Variants in PIAS1 observed in about 807,000 individuals in gnomAD.
PIAS1 encodes E3 SUMO-protein ligase PIAS1.
In PIAS1, 6 loss-of-function variants were observed where a neutral mutation model predicts 71.3. That is an observed-to-expected ratio of 0.08 (90% confidence interval 0.05 to 0.17). PIAS1 has a LOEUF of 0.17. Among genes scored for constraint, PIAS1 ranks in the 10% least tolerant of loss-of-function variants. PIAS1 has a pLI of 1.00. For missense variants in PIAS1, 555 were observed against 793.6 expected (o/e 0.70, Z 3.61); for synonymous variants, 303 against 292.9 (o/e 1.03, Z -0.35).
In PIAS1 at chr15:68,173,773, A is replaced by C. The variant is rs775058075; in HGVS notation, c.1050A>C (p.Thr350=). The change falls in exon 9 of 14, where the codon ACA becomes ACC. Residue 350 remains threonine (T), a synonymous_variant. Transcript: ENST00000249636. This position sits in a 1 kb window ranked among gnomAD's most constrained non-coding sequence, Gnocchi z 4.3. ...MRLTIPCRAL[T]CSHLQCFDAT... is the part of the protein sequence containing the mutation. ...TGACAATTCCGTGTCGGGCCCTTAC[A>C]TGTTCTCATCTACAATGTTTTGACG... is the stretch of plus-strand genomic sequence containing the variant. 2 of 1,583,494 alleles carry C rather than the reference A, an allele frequency of 1.3e-6. No homozygotes were observed. The highest frequency in any genetic ancestry group is 2.7e-5 in the African/African-American group (2 of 74,384).
In PIAS1 at chr15:68,187,371, G is replaced by A. The variant is rs896112903; in HGVS notation, c.1663-171G>A. Among the ~76,000 whole-genome samples, 2 of 152,086 alleles carry A rather than the reference G, an allele frequency of 1.3e-5. No homozygotes were observed. The highest frequency in any genetic ancestry group is 2.9e-5 in the Non-Finnish European group (2 of 68,014). On this transcript the variant is annotated intron_variant, in intron 13 of 13. Transcript: ENST00000249636. The surrounding 1 kb of genome is among the most constrained non-coding windows in gnomAD (Gnocchi z 5.3). ...ACAAAAATGTCTTCTCAAGATCAATGCTCCAGTCCTTACATAAGGCCATTT... is the reference window on the plus strand; with the variant it reads ...ACAAAAATGTCTTCTCAAGATCAATACTCCAGTCCTTACATAAGGCCATTT...
chr15:68,173,887 T>C lies in PIAS1; in HGVS notation c.1164T>C (p.Ile388=). The C allele has an allele frequency of 6.5e-7, 1 of 1,528,776 alleles. No individual in the cohort carries two copies. Among genetic ancestry groups the C allele is most frequent in the Non-Finnish European group, 8.9e-7 (1 of 1,126,130 alleles). 94.7% of individuals were successfully genotyped at this position (1,528,776 alleles called of 1,614,324 possible). ...DKKAPYEHLI[I]DGLFMEILKY... ...AGGCTCCATATGAACACCTTATTAT[T>C]GATGGGTATGTTACTTTAAGTGTTT... is the stretch of plus-strand genomic sequence containing the variant. Residue 388 remains isoleucine (I), a synonymous_variant, in exon 9 of 14, where the codon ATT becomes ATC. Transcript: ENST00000249636. This position sits in a 1 kb window ranked among gnomAD's most constrained non-coding sequence, Gnocchi z 4.3.
chr15:68,054,503 AG>A lies in PIAS1; in HGVS notation c.24+158del. The A allele has an allele frequency of 1.5e-6, 1 of 648,268 alleles. No homozygotes were observed. The highest frequency in any genetic ancestry group is 2.4e-6 in the Non-Finnish European group (1 of 420,052). The allele number at this position is 648,268 out of a possible 1,614,324, so 40.2% of individuals were successfully genotyped here. ...AGAGAGGCGCGCCCGGTCTCAGCAG[AG>A]GGGGCCCGCCTGCGGCGGGCCGCGG... On this transcript the variant is annotated intron_variant, in intron 1 of 13. Transcript: ENST00000249636. This position sits in a 1 kb window ranked among gnomAD's most constrained non-coding sequence, Gnocchi z 4.6.
rs145943670 is a variant in PIAS1, at chr15:68,063,196, A to C, written c.24+8846A>C. 3.6e-3 allele frequency among the ~76,000 whole-genome samples: 542 copies of C among 152,314 alleles called. 5 individuals are homozygous for C. The highest frequency in any genetic ancestry group is 0.014 in the Middle Eastern group (4 of 294). On this transcript the variant is annotated intron_variant, in intron 1 of 13. Transcript: ENST00000249636. Reference sequence around the variant, plus strand: ...TGGCAGTGCTCAGCCAAAGCAATTCATTTTGTATTTGGGTTTCTGAATGTG... The same window carrying C: ...TGGCAGTGCTCAGCCAAAGCAATTCCTTTTGTATTTGGGTTTCTGAATGTG...
rs1250787901 is a variant in PIAS1 at position 68,167,165 on chromosome 15, TAAAAC to T, written c.1008+2369_1008+2373del. Reference sequence around the variant, plus strand: ...ACATCTGCTTTAAAAATTCAGATTATAAAACAAAACAACTATATATGTATATTGTG... The same window carrying T: ...ACATCTGCTTTAAAAATTCAGATTATAAAACAACTATATATGTATATTGTG... On this transcript the variant is annotated intron_variant, in intron 8 of 13. Transcript: ENST00000249636. This position sits in a 1 kb window ranked among gnomAD's most constrained non-coding sequence, Gnocchi z 4.4. Among the ~76,000 whole-genome samples the T allele has an allele frequency of 2.7e-5, 4 of 150,810 alleles. No individual in the cohort carries two copies. Among genetic ancestry groups the T allele is most frequent in the African/African-American group, 7.3e-5 (3 of 40,940 alleles).
At chr15:68,069,736 G>A (rs2092072207) in intron 1 of PIAS1, among the ~76,000 whole-genome samples, 1 of 151,358 alleles carries the variant, frequency 6.6e-6, no homozygotes, top group Admixed American at 6.6e-5. Context: ...CCTGGGAGGC[G>A]GAGCTTGCAG....
intron 11 of PIAS1, among the ~76,000 whole-genome samples, chr15:68,180,981 G>A (rs2141100324): frequency 6.6e-6 from 1 of 152,224 alleles, no homozygotes; most frequent in Non-Finnish European, 1.5e-5. Context: ...TGTGAATGTT[G>A]GATACCATTG....
Position 68,086,794 on chromosome 15 carries a change from A to G in PIAS1, c.469+44A>G. ...AGTATTTGGTTACTTTTGCAGGATG[A>G]ATTTTCGTTTTAGGCTTTTACTTTG... On this transcript the variant is annotated intron_variant, in intron 2 of 13. Coordinates refer to ENST00000249636, the MANE Select transcript of PIAS1 (RefSeq NM_016166.3). The surrounding 1 kb of genome is among the most constrained non-coding windows in gnomAD (Gnocchi z 7.2). 1 of 1,336,216 alleles carries G rather than the reference A, an allele frequency of 7.5e-7. No individual in the cohort carries two copies. The highest frequency in any genetic ancestry group is 1.0e-6 in the Non-Finnish European group (1 of 954,300). 82.8% of individuals were successfully genotyped at this position (1,336,216 alleles called of 1,614,324 possible).
At chr15:68,169,093 A>AT (rs2092974614) in intron 8 of PIAS1, among the ~76,000 whole-genome samples, 7 of 152,180 alleles carry the variant, frequency 4.6e-5, no homozygotes, top group African/African-American at 1.7e-4. Flanking sequence ...ACAGTTCATA[A>AT]ACCTTGTGTA....
rs1008352422 is a variant in PIAS1, at chr15:68,054,339, G to C, written c.13G>C (p.Ala5Pro). 1.9e-6 allele frequency: 3 copies of C among 1,577,960 alleles called. No individual in the cohort carries two copies. Among genetic ancestry groups the C allele is most frequent in the Non-Finnish European group, 2.6e-6 (3 of 1,162,584 alleles). ...TGACAGACGCAAGATGGCGGACAGT[G>C]CGGAACTAAAGGTAAAGCGCAGCTC... MADS[A>P]ELKQMVMSLR... The change falls in exon 1 of 14, where the codon GCG (alanine) becomes CCG (proline). Residue 5 changes from alanine to proline, a missense_variant. Ala to Pro is a conservative substitution (Grantham distance 27). Transcript: ENST00000249636. This position sits in a 1 kb window ranked among gnomAD's most constrained non-coding sequence, Gnocchi z 4.6.
chr15:68,118,331 A>AT (rs1431545598), intron 2 of PIAS1, among the ~76,000 whole-genome samples: 48 of 150,856 alleles, frequency 3.2e-4, no homozygotes, highest in African/African-American at 1.1e-3. Context: ...AAAAAAAAAA[A>AT]AAAAATAATA....
rs570723142 is a variant in PIAS1, at chr15:68,178,061, A to T, written c.1481+1407A>T. On this transcript the variant is annotated intron_variant, in intron 11 of 13. Coordinates refer to ENST00000249636, the MANE Select transcript of PIAS1 (RefSeq NM_016166.3). This position sits in a 1 kb window ranked among gnomAD's most constrained non-coding sequence, Gnocchi z 4.2. ...TTGACATTGTATGATGAGATTAAAG[A>T]TTTCTATCAGTTTGAGACCAGCCTG... is the stretch of plus-strand genomic sequence containing the variant. Among the ~76,000 whole-genome samples, 2 of 152,288 alleles carry T rather than the reference A, an allele frequency of 1.3e-5. No homozygotes were observed. Among genetic ancestry groups the T allele is most frequent in the African/African-American group, 4.8e-5 (2 of 41,562 alleles).
intron 2 of PIAS1, among the ~76,000 whole-genome samples, chr15:68,101,740 TAAC>T (rs935631622): frequency 7.4e-4 from 112 of 152,256 alleles, no homozygotes; most frequent in African/African-American, 2.6e-3. Context: ...GTTTCTAGTC[TAAC>T]AACCCCACTT....
chr15:68,170,528 A>T lies in PIAS1; in HGVS notation c.1009-3204A>T, dbSNP rs190625666. Among the ~76,000 whole-genome samples, 10 of 152,348 alleles carry T rather than the reference A, an allele frequency of 6.6e-5. No individual in the cohort carries two copies. The East Asian group carries it at 1.9e-3, about 29-fold the overall frequency. ...CCAAATAAGTCAGTGAGTGGTGAGC[A>T]AATGTGAAGGTCTAGGACATCACTT... is the stretch of plus-strand genomic sequence containing the variant. On this transcript the variant is annotated intron_variant, in intron 8 of 13. Coordinates refer to ENST00000249636, the MANE Select transcript of PIAS1 (RefSeq NM_016166.3).
chr15:68,123,505 C>A (rs1245432515), intron 2 of PIAS1, among the ~76,000 whole-genome samples: 1 of 152,022 alleles, frequency 6.6e-6, no homozygotes, highest in African/African-American at 2.4e-5. Context: ...TGTCATGTAT[C>A]TATTTTAGAA....
intron 6 of PIAS1, among the ~76,000 whole-genome samples, chr15:68,152,788 C>T (rs1343751657): frequency 6.6e-6 from 1 of 152,132 alleles, no homozygotes; most frequent in Non-Finnish European, 1.5e-5. Context: ...ATTTAGATCT[C>T]CTTCCTACCC....
chr15:68,100,190 C>A (rs1017722901), intron 2 of PIAS1, among the ~76,000 whole-genome samples: 2 of 151,866 alleles, frequency 1.3e-5, no homozygotes, highest in Non-Finnish European at 2.9e-5. Context: ...GTACTCTTAA[C>A]CTAGCCTTCT....
rs1389619714 is a variant in PIAS1, at chr15:68,191,607, G to A, written c.*3772G>A. ...TAACTAACTAATTTTCTTGCAGCATGCTTTGAGGTAAGTAATGAATATAGC... is the reference window on the plus strand; with the variant it reads ...TAACTAACTAATTTTCTTGCAGCATACTTTGAGGTAAGTAATGAATATAGC... On this transcript the variant is annotated 3_prime_UTR_variant, in exon 14 of 14. Coordinates refer to ENST00000249636, the MANE Select transcript of PIAS1 (RefSeq NM_016166.3). The A allele has an allele frequency of 6.6e-6, 1 of 152,622 alleles. No homozygotes were observed. The highest frequency in any genetic ancestry group is 1.5e-5 in the Non-Finnish European group (1 of 68,038). The allele number at this position is 152,622 out of a possible 1,614,324, so 9.5% of individuals were successfully genotyped here.
intron 4 of PIAS1, 148 bp from the exon 5 acceptor site, chr15:68,145,668 C>T: frequency 1.7e-6 from 1 of 574,826 alleles, no homozygotes; most frequent in Non-Finnish European, 3.1e-6. Flanking sequence ...TTTACATATA[C>T]TTATTAATAG....
Sources: gnomAD v4.1 joint callset for allele counts (sites outside exome capture counted in the v4.1 genomes callset) on GRCh38, gnomAD v4.1.1 for gene constraint, Gnocchi (gnomAD v3.1) non-coding constraint, MANE v1.5 for transcripts, NCBI Gene and HGNC (gene_info 2026-07-23, HGNC 2026-07-21) for gene names.